Variants in USH2A observed in about 807,000 individuals in gnomAD.
The protein encoded by USH2A is usherin, also known as Usher syndrome 2A (autosomal recessive, mild).
USH2A carries 443 observed loss-of-function variants against 538.9 expected under a neutral mutation model. The ratio of observed to expected loss-of-function variants is 0.82; its 90% confidence interval spans 0.76 to 0.89. USH2A has a LOEUF of 0.89. Among genes scored for constraint, USH2A ranks in the 40% least tolerant of loss-of-function variants. The pLI, the probability that USH2A is intolerant of heterozygous loss-of-function variation, is 0.00. For missense variants in USH2A, 6,633 were observed against 6,324.8 expected (o/e 1.05, Z -1.65); for synonymous variants, 2,413 against 2,273.5 (o/e 1.06, Z -1.75).
At chr1:216,320,963 G>A (rs1211165165) in intron 9 of USH2A, among the ~76,000 whole-genome samples, 7 of 151,934 alleles carry the variant, frequency 4.6e-5, no homozygotes, top group African/African-American at 1.7e-4. Context: ...CATAGCTCCA[G>A]ATGTTTGTTT....
intron 35 of USH2A, among the ~76,000 whole-genome samples, chr1:215,983,975 A>C (rs894597752): frequency 9.2e-5 from 14 of 152,262 alleles, no homozygotes; most frequent in African/African-American, 3.4e-4. Context: ...GAGGAATGCA[A>C]CCCTGGAATC....
At chr1:215,710,481 T>C (rs578120000) in intron 61 of USH2A, among the ~76,000 whole-genome samples, 1 of 152,242 alleles carries the variant, frequency 6.6e-6, no homozygotes. Flanking sequence ...CTTTCTTATG[T>C]ACATCTCAAC....
Position 215,625,633 on chromosome 1 carries a change from A to G in USH2A, c.*148T>C. On this transcript the variant is annotated 3_prime_UTR_variant, in exon 72 of 72. Coordinates refer to ENST00000307340, the MANE Select transcript of USH2A (RefSeq NM_206933.4). ...TTTCTTAGACCTCTATTAGGAAGGAACACTTTCAAAAACAGTCATCATTTC... is the reference window on the plus strand; with the variant it reads ...TTTCTTAGACCTCTATTAGGAAGGAGCACTTTCAAAAACAGTCATCATTTC... The G allele has an allele frequency of 2.6e-6, 2 of 756,946 alleles. No homozygotes were observed. The highest frequency in any genetic ancestry group is 1.5e-5 in the South Asian group (1 of 65,894). 46.9% of individuals were successfully genotyped at this position (756,946 alleles called of 1,614,324 possible). A position where few individuals can be genotyped will look rare whatever the true frequency, so the allele number is the denominator to read the frequency against.
chr1:216,163,626 TA>T (rs201879103), intron 21 of USH2A, among the ~76,000 whole-genome samples: 1,994 of 121,736 alleles, frequency 0.016, 38 homozygotes, highest in African/African-American at 0.058. Flanking sequence ...ATATTTTTGG[TA>T]AAAAAATAAC....
chr1:215,896,228 A>G (rs902497359), intron 40 of USH2A, among the ~76,000 whole-genome samples: 4 of 152,192 alleles, frequency 2.6e-5, no homozygotes, highest in African/African-American at 4.8e-5. Context: ...TTAAACTACA[A>G]ATTTGGGAAA....
intron 30 of USH2A, among the ~76,000 whole-genome samples, chr1:216,061,878 AAG>A (rs2031198641): frequency 6.6e-6 from 1 of 152,226 alleles, no homozygotes; most frequent in African/African-American, 2.4e-5. Flanking sequence ...ACTGGGAAGA[AAG>A]AAGCTGAAAC....
intron 51 of USH2A, 80 bp downstream of exon 51, chr1:215,789,979 T>C (rs1197120418): frequency 7.1e-7 from 1 of 1,404,160 alleles, no homozygotes; most frequent in African/African-American, 1.4e-5. Context: ...TATATTCCTA[T>C]TTTAGAAAAA....
intron 23 of USH2A, 27 bp from the exon 24 acceptor site, chr1:216,086,847 C>A: frequency 6.5e-7 from 1 of 1,540,270 alleles, no homozygotes; most frequent in Non-Finnish European, 9.0e-7. Flanking sequence ...GAGAAATACA[C>A]CTTCACCAGG....
chr1:215,778,589 C>T (rs1230642923), intron 55 of USH2A, among the ~76,000 whole-genome samples: 3 of 152,180 alleles, frequency 2.0e-5, no homozygotes, highest in Non-Finnish European at 4.4e-5. Flanking sequence ...TAGGAAAAAT[C>T]AGTCACATTT....
chr1:215,748,067 A>G (rs376924616), intron 58 of USH2A, among the ~76,000 whole-genome samples: 5 of 151,688 alleles, frequency 3.3e-5, no homozygotes, highest in African/African-American at 1.2e-4. Context: ...AATTTTTTGT[A>G]TTTTTAGTAG....
intron 64 of USH2A, among the ~76,000 whole-genome samples, chr1:215,661,098 G>C (rs766802779): frequency 6.6e-6 from 1 of 152,328 alleles, no homozygotes; most frequent in Non-Finnish European, 1.5e-5. Context: ...AGCTGGCCAG[G>C]TGATCCTCTA....
rs200638562 is a variant in USH2A, at chr1:216,250,899, G to A, written c.2167+4C>T. 9.9e-6 allele frequency: 16 copies of A among 1,613,660 alleles called. No individual in the cohort carries two copies. The highest frequency in any genetic ancestry group is 3.3e-5 in the South Asian group (3 of 91,040). On this transcript the variant is annotated splice_donor_region_variant and intron_variant, in intron 12 of 71. Transcript: ENST00000307340. ...GTGACTGTAAACTTTTGCGTTACAC[G>A]TACCAATAACGTTTGCTTTGCACTT... is the stretch of plus-strand genomic sequence containing the variant.
chr1:216,272,500 T>A (rs921131950), intron 11 of USH2A, among the ~76,000 whole-genome samples: 5 of 152,140 alleles, frequency 3.3e-5, no homozygotes, highest in African/African-American at 9.7e-5. Flanking sequence ...ATTAATTATT[T>A]CTTTTCTTCT....
Position 215,894,617 on chromosome 1 carries a change from G to A in USH2A, c.7594+5458C>T, listed in dbSNP as rs1038985186. 2.0e-5 allele frequency among the ~76,000 whole-genome samples: 3 copies of A among 152,200 alleles called. No individual in the cohort carries two copies. In the East Asian group the frequency reaches 5.8e-4, roughly 29 times the overall value. On this transcript the variant is annotated intron_variant, in intron 40 of 71. Transcript: ENST00000307340. ...AGCACATGATTTGGGGCTGGCAGAA[G>A]CCTCTCTAACTAGAACATTCGTTAA...
intron 4 of USH2A, among the ~76,000 whole-genome samples, chr1:216,360,437 T>A (rs1423669195): frequency 6.6e-6 from 1 of 151,876 alleles, no homozygotes; most frequent in East Asian, 1.9e-4. Flanking sequence ...CATAGAAGAT[T>A]TTTAGGGAGT....
intron 38 of USH2A, among the ~76,000 whole-genome samples, chr1:215,906,310 T>C (rs1315485323): frequency 6.6e-6 from 1 of 152,086 alleles, no homozygotes. Context: ...AACATAATTA[T>C]TTCTAATCCT....
At chr1:215,805,014 C>T (rs1464220386) in intron 49 of USH2A, among the ~76,000 whole-genome samples, 1 of 152,056 alleles carries the variant, frequency 6.6e-6, no homozygotes, top group Non-Finnish European at 1.5e-5. Context: ...AACCGTCATT[C>T]TCGGCAAACT....
chr1:216,172,600 T>C (rs1301698850), intron 21 of USH2A, among the ~76,000 whole-genome samples: 1 of 152,132 alleles, frequency 6.6e-6, no homozygotes, highest in African/African-American at 2.4e-5. Flanking sequence ...TTTTAACGCA[T>C]AACACTTCAG....
chr1:216,118,035 A>G (rs2033050927), intron 21 of USH2A, among the ~76,000 whole-genome samples: 1 of 152,080 alleles, frequency 6.6e-6, no homozygotes, highest in African/African-American at 2.4e-5. Context: ...CAAATGCTAG[A>G]GCCAAGCTTT....
Sources: allele counts gnomAD v4.1 joint callset (sites outside exome capture counted in the v4.1 genomes callset), GRCh38; gene constraint gnomAD v4.1.1; transcripts MANE v1.5; gene names NCBI Gene and HGNC (gene_info 2026-07-23, HGNC 2026-07-21).